The following TMEM132D variants were observed in gnomAD, a reference collection of about 807,000 sequenced individuals.
The protein encoded by TMEM132D is mature OL transmembrane protein.
A neutral mutation model predicts 62.3 loss-of-function variants in TMEM132D; 21 were observed. That is an observed-to-expected ratio of 0.34 (90% CI 0.24 to 0.49). TMEM132D has a LOEUF of 0.49. TMEM132D is among the 20% of genes least tolerant of loss of function. TMEM132D has a pLI of 0.99. For synonymous variants in TMEM132D, 621 were observed against 575.6 expected (o/e 1.08, Z -1.13); for missense variants, 1,346 against 1,402.8 (o/e 0.96, Z 0.65).
At chr12:129,178,552 ATAAAT>A (rs1877973956) in intron 5 of TMEM132D, among the ~76,000 whole-genome samples, 1 of 152,010 alleles carries the variant, frequency 6.6e-6, no homozygotes, top group South Asian at 2.1e-4. Flanking sequence ...TACAAAATTA[ATAAAT>A]TAAATAAAAT....
At chr12:129,567,408 A>G (rs1407054889) in intron 2 of TMEM132D, among the ~76,000 whole-genome samples, 1 of 152,236 alleles carries the variant, frequency 6.6e-6, no homozygotes. Context: ...ACTAACTATA[A>G]GAAGCCACCA....
At chr12:129,473,407 G>A (rs1450953178) in intron 3 of TMEM132D, among the ~76,000 whole-genome samples, 1 of 121,324 alleles carries the variant, frequency 8.2e-6, no homozygotes, top group Non-Finnish European at 1.6e-5. Context: ...TCGGCTCACT[G>A]CAACCTCCAC....
intron 5 of TMEM132D, among the ~76,000 whole-genome samples, chr12:129,179,638 G>C (rs1417985939): frequency 6.6e-6 from 1 of 152,184 alleles, no homozygotes; most frequent in Non-Finnish European, 1.5e-5. Context: ...CTACTTTTCA[G>C]TGCTCACAGA....
chr12:129,441,197 C>G (rs756723592), intron 3 of TMEM132D, among the ~76,000 whole-genome samples: 4 of 152,218 alleles, frequency 2.6e-5, no homozygotes, highest in Non-Finnish European at 5.9e-5. Flanking sequence ...CAAACAACCT[C>G]TCACCTGAGG....
chr12:129,089,928 G>A (rs1279746384), intron 5 of TMEM132D, among the ~76,000 whole-genome samples: 1 of 152,234 alleles, frequency 6.6e-6, no homozygotes, highest in Admixed American at 6.5e-5. Flanking sequence ...CTTGCAGTCT[G>A]CCTTTTTAGA....
intron 1 of TMEM132D, among the ~76,000 whole-genome samples, chr12:129,760,323 CTTTTTTTTTTTTTTT>C (rs71082753): frequency 8.7e-6 from 1 of 115,490 alleles, no homozygotes; most frequent in Non-Finnish European, 1.7e-5. Context: ...AAGCCACTTT[CTTTTTTTTTTTTTTT>C]TTTTTTTTTT....
At chr12:129,579,712 T>C (rs1877788089) in intron 2 of TMEM132D, among the ~76,000 whole-genome samples, 1 of 152,212 alleles carries the variant, frequency 6.6e-6, no homozygotes, top group African/African-American at 2.4e-5. Flanking sequence ...GGCAGTCAAA[T>C]GGATGGTGCC....
chr12:129,799,258 G>A (rs1195934481), intron 1 of TMEM132D, among the ~76,000 whole-genome samples: 2 of 151,908 alleles, frequency 1.3e-5, no homozygotes, highest in African/African-American at 4.8e-5. Context: ...TCCACCCTGG[G>A]CAACAAGAGC....
At chr12:129,439,390 A>T (rs1872877499) in intron 3 of TMEM132D, among the ~76,000 whole-genome samples, 1 of 152,130 alleles carries the variant, frequency 6.6e-6, no homozygotes, top group Non-Finnish European at 1.5e-5. Flanking sequence ...TCTGTTCTCA[A>T]TGTCCAGCAT....
chr12:129,579,604 G>A (rs1448040367), intron 2 of TMEM132D, among the ~76,000 whole-genome samples: 14 of 152,296 alleles, frequency 9.2e-5, no homozygotes, highest in Middle Eastern at 3.4e-3. Context: ...TCTGATGTTC[G>A]AGGGCAGGAA....
rs189912318 is a variant in TMEM132D, at chr12:129,126,593, T to C, written c.1444-41891A>G. Among the ~76,000 whole-genome samples the C allele has an allele frequency of 4.6e-5, 7 of 152,286 alleles. No homozygotes were observed. The East Asian group carries it at 1.4e-3, about 29-fold the overall frequency. On this transcript the variant is annotated intron_variant, in intron 5 of 8. Transcript: ENST00000422113. ...TAATTGAAGAGCAAAAATATGCCTG[T>C]GCCATCAGGGTGGGGGGTGAATGGT...
intron 2 of TMEM132D, among the ~76,000 whole-genome samples, chr12:129,595,932 T>C (rs1878323643): frequency 6.6e-6 from 1 of 152,202 alleles, no homozygotes; most frequent in Admixed American, 6.5e-5. Flanking sequence ...CATTATTGTT[T>C]GGCCATATCC....
intron 1 of TMEM132D, among the ~76,000 whole-genome samples, chr12:129,791,315 A>G (rs1459669988): frequency 6.6e-6 from 1 of 152,196 alleles, no homozygotes; most frequent in Non-Finnish European, 1.5e-5. Context: ...GAATAAAACT[A>G]TGGAAATATA....
chr12:129,590,792 C>A (rs373420555), intron 2 of TMEM132D, among the ~76,000 whole-genome samples: 6 of 152,284 alleles, frequency 3.9e-5, no homozygotes, highest in East Asian at 3.9e-4. Context: ...CAGTCCAGGA[C>A]AGCTCATTTT....
At chr12:129,547,677 G>A (rs1165983351) in intron 2 of TMEM132D, among the ~76,000 whole-genome samples, 1 of 152,172 alleles carries the variant, frequency 6.6e-6, no homozygotes, top group African/African-American at 2.4e-5. Context: ...TAGAAAGTGT[G>A]AGATGAGTAA....
At chr12:129,182,293 G>A (rs1405887414) in intron 5 of TMEM132D, among the ~76,000 whole-genome samples, 1 of 152,222 alleles carries the variant, frequency 6.6e-6, no homozygotes, top group Non-Finnish European at 1.5e-5. Context: ...GACCCTGGGA[G>A]GCAGTGGTTG....
rs185335910 is a variant in TMEM132D, at chr12:129,822,725, C to T, written c.79+80536G>A. 8.3e-4 allele frequency among the ~76,000 whole-genome samples: 127 copies of T among 152,268 alleles called. 1 individual carries two copies. The highest frequency in any genetic ancestry group is 2.7e-3 in the African/African-American group (111 of 41,550). On this transcript the variant is annotated intron_variant, in intron 1 of 8. Transcript: ENST00000422113. ...GGGCGGCAGGAGACAGAATGAGTGC[C>T]GAGCGAAGGGGGAAGTCCCTTATAA...
intron 4 of TMEM132D, among the ~76,000 whole-genome samples, chr12:129,329,654 T>C (rs1379670585): frequency 1.3e-5 from 2 of 152,142 alleles, no homozygotes; most frequent in Non-Finnish European, 2.9e-5. Flanking sequence ...TGGGTTACCA[T>C]CTCCTCGCAA....
intron 1 of TMEM132D, among the ~76,000 whole-genome samples, chr12:129,780,350 C>CGG (rs71451333): frequency 7.0e-5 from 9 of 128,978 alleles, no homozygotes; most frequent in East Asian, 3.2e-4. Flanking sequence ...GGGGGGGGGC[C>CGG]GGGGGGGCAC....
Sources: gnomAD v4.1 joint callset for allele counts (sites outside exome capture counted in the v4.1 genomes callset) on GRCh38, gnomAD v4.1.1 for gene constraint, MANE v1.5 for transcripts, NCBI Gene and HGNC (gene_info 2026-07-23, HGNC 2026-07-21) for gene names.